Variants in VPS41 observed in about 807,000 individuals in gnomAD.
VPS41 encodes the protein VPS41 subunit of HOPS complex.
In VPS41, 85 loss-of-function variants were observed where a neutral mutation model predicts 130.9. The observed-to-expected ratio is 0.65, with a 90% CI of 0.55 to 0.78. The LOEUF is 0.78. Ranked by LOEUF, VPS41 falls within the 30% of genes least tolerant of loss-of-function variation. The probability of loss-of-function intolerance (pLI) is 0.00; values close to 1 mark genes in which losing one functional copy is unlikely to be tolerated. For missense variants in VPS41, 874 were observed against 1,018.7 expected, an observed-to-expected ratio of 0.86 and a Z score of 1.93; for synonymous variants, 335 against 332.9, an observed-to-expected ratio of 1.01 and a Z score of -0.07.
At chr7:38,783,407 C>T (rs1031809926) in intron 10 of VPS41, among the ~76,000 whole-genome samples, 11 of 150,882 alleles carry the variant, frequency 7.3e-5, no homozygotes, top group Non-Finnish European at 1.3e-4. Flanking sequence ...TGGTGGCAGG[C>T]GCCTGTAATC....
intron 1 of VPS41, among the ~76,000 whole-genome samples, chr7:38,898,945 C>A (rs992528572): frequency 2.8e-4 from 12 of 42,388 alleles, no homozygotes; most frequent in African/African-American, 1.6e-3. Flanking sequence ...ATGAGATAAA[C>A]AAAGAACAAG....
At chr7:38,797,602 C>T (rs1348961106) in intron 7 of VPS41, among the ~76,000 whole-genome samples, 1 of 152,150 alleles carries the variant, frequency 6.6e-6, no homozygotes. Context: ...GACATTTATA[C>T]AGTATGTAAC....
At chr7:38,840,942 C>A (rs1785596529) in intron 4 of VPS41, among the ~76,000 whole-genome samples, 1 of 152,174 alleles carries the variant, frequency 6.6e-6, no homozygotes, top group Non-Finnish European at 1.5e-5. Flanking sequence ...TTGAAGTACA[C>A]AAGTTTCTCA....
chr7:38,825,521 C>CGG (rs1785254819), intron 5 of VPS41, among the ~76,000 whole-genome samples: 3 of 152,128 alleles, frequency 2.0e-5, no homozygotes, highest in Non-Finnish European at 4.4e-5. Flanking sequence ...GGGAATCCCT[C>CGG]CGCTTTTGGG....
In VPS41 at chr7:38,771,230, T is replaced by C; in HGVS notation, c.1153A>G (p.Ser385Gly). The change falls in exon 14 of 29, where the codon AGC (serine) becomes GGC (glycine). Residue 385 changes from serine (S) to glycine (G), a missense_variant. Transcript: ENST00000310301. ...TTATGTCTTTTAATATTTTTTTGGC[T>C]AATTTCAGCTGCCATCAATGCTTCC... ...YEEALMAAEISQKNIKRHKIL... is the reference protein window; with the variant it reads ...YEEALMAAEIGQKNIKRHKIL... 1 of 1,599,456 alleles carries C rather than the reference T, an allele frequency of 6.3e-7. No individual in the cohort carries two copies. The highest frequency in any genetic ancestry group is 8.5e-7 in the Non-Finnish European group (1 of 1,174,068).
chr7:38,756,047 A>G (rs1294689550), intron 19 of VPS41, among the ~76,000 whole-genome samples: 2 of 152,236 alleles, frequency 1.3e-5, no homozygotes, highest in Non-Finnish European at 2.9e-5. Flanking sequence ...AATATAGCAC[A>G]CAATATCTCT....
chr7:38,745,740 C>T lies in VPS41; in HGVS notation c.1927-127G>A, dbSNP rs955197351. 3 of 756,624 alleles carry T rather than the reference C, an allele frequency of 4.0e-6. No homozygotes were observed. In the African/African-American group the frequency reaches 5.3e-5, roughly 13 times the overall value. The allele number at this position is 756,624 out of a possible 1,614,324, so 46.9% of individuals were successfully genotyped here. On this transcript the variant is annotated intron_variant, in intron 22 of 28. Transcript: ENST00000310301. ...TTCTTTAAAAATAAAACAAAGCAAA[C>T]AAATAAAGAACACATCTCCCTAGAA... is the stretch of plus-strand genomic sequence containing the variant.
At chr7:38,873,114 AC>A (rs1659306585) in intron 2 of VPS41, among the ~76,000 whole-genome samples, 1 of 152,248 alleles carries the variant, frequency 6.6e-6, no homozygotes, top group South Asian at 2.1e-4. Flanking sequence ...ACATAAATAT[AC>A]AAAAATAAAT....
intron 7 of VPS41, among the ~76,000 whole-genome samples, chr7:38,802,510 G>A (rs1404596276): frequency 6.6e-6 from 1 of 152,048 alleles, no homozygotes; most frequent in Non-Finnish European, 1.5e-5. Context: ...TTGACATAGA[G>A]TTTCATACAG....
intron 7 of VPS41, among the ~76,000 whole-genome samples, chr7:38,801,408 GTTA>G (rs1241507336): frequency 6.6e-6 from 1 of 152,092 alleles, no homozygotes; most frequent in East Asian, 1.9e-4. Flanking sequence ...CAGGATTCAC[GTTA>G]TTTTCTTATG....
At chr7:38,868,757 T>C (rs1786282672) in intron 3 of VPS41, among the ~76,000 whole-genome samples, 1 of 152,102 alleles carries the variant, frequency 6.6e-6, no homozygotes, top group East Asian at 1.9e-4. Context: ...AATAATAACT[T>C]AATAAAAGAA....
Position 38,752,233 on chromosome 7 carries a change from A to G in VPS41, c.1869T>C (p.Tyr623=). ...GAAAGGGAAGTAAGTTTGGTCGATC[A>G]TATTCAGCATAAAGACTGATCTGTT... ...HEKQISLYAE[Y]DRPNLLPFLR... The change falls in exon 22 of 29, where the codon TAT becomes TAC. Residue 623 remains tyrosine (Y), a synonymous_variant. Coordinates refer to ENST00000310301, the MANE Select transcript of VPS41 (RefSeq NM_014396.4). 1 of 1,614,052 alleles carries G rather than the reference A, an allele frequency of 6.2e-7. No homozygotes were observed. The highest frequency in any genetic ancestry group is 8.5e-7 in the Non-Finnish European group (1 of 1,179,916).
intron 11 of VPS41, among the ~76,000 whole-genome samples, chr7:38,774,742 G>A (rs185924473): frequency 1.3e-5 from 2 of 152,190 alleles, no homozygotes; most frequent in African/African-American, 2.4e-5. Flanking sequence ...TTATACTTTC[G>A]TTCCCTGGCC....
intron 21 of VPS41, among the ~76,000 whole-genome samples, chr7:38,752,952 G>A (rs1330616706): frequency 6.6e-6 from 1 of 152,068 alleles, no homozygotes. Context: ...AAATCAAGAA[G>A]AATGCAGGTG....
intron 25 of VPS41, among the ~76,000 whole-genome samples, chr7:38,736,971 A>T (rs148903639): frequency 4.6e-5 from 7 of 152,330 alleles, no homozygotes; most frequent in Admixed American, 2.0e-4. Context: ...TATTTTCAAT[A>T]TGCAGAGATT....
At chr7:38,891,169 CCATTT>C (rs1246775689) in intron 2 of VPS41, among the ~76,000 whole-genome samples, 1 of 152,062 alleles carries the variant, frequency 6.6e-6, no homozygotes, top group Non-Finnish European at 1.5e-5. Context: ...GAAAGACATA[CCATTT>C]CATTCTGGGT....
chr7:38,861,163 C>A (rs1786102999), intron 4 of VPS41, among the ~76,000 whole-genome samples: 1 of 152,136 alleles, frequency 6.6e-6, no homozygotes, highest in African/African-American at 2.4e-5. Context: ...CAAGGACTGA[C>A]TTTTGGCAAT....
chr7:38,804,626 C>T (rs1172987724), intron 7 of VPS41, among the ~76,000 whole-genome samples: 2 of 152,160 alleles, frequency 1.3e-5, no homozygotes, highest in Admixed American at 6.5e-5. Context: ...AAACAACGGA[C>T]GTGCCATTTA....
intron 27 of VPS41, 38 bp from the exon 28 acceptor site, chr7:38,727,026 C>T (rs1287728192): frequency 6.8e-7 from 1 of 1,471,292 alleles, no homozygotes; most frequent in South Asian, 1.4e-5. Context: ...GAACTTAATG[C>T]AACAAGCAAG....
Sources: allele counts gnomAD v4.1 joint callset (sites outside exome capture counted in the v4.1 genomes callset), GRCh38; gene constraint gnomAD v4.1.1; transcripts MANE v1.5; gene names NCBI Gene and HGNC (gene_info 2026-07-23, HGNC 2026-07-21).